EPB41L2: variants seen among roughly 807,000 people sequenced by gnomAD.
EPB41L2 encodes band 4.1-like protein 2.
In EPB41L2, 43 loss-of-function variants were observed where a neutral mutation model predicts 113.0. That is an observed-to-expected ratio of 0.38 (90% CI 0.30 to 0.49). The LOEUF (loss-of-function observed/expected upper bound fraction) is 0.49. EPB41L2 is among the 20% of genes least tolerant of loss of function. The pLI, the probability that EPB41L2 is intolerant of heterozygous loss-of-function variation, is 0.95. For synonymous variants in EPB41L2, 442 were observed against 436.7 expected, an observed-to-expected ratio of 1.01 and a Z score of -0.15; for missense variants, 1,147 against 1,223.4, an observed-to-expected ratio of 0.94 and a Z score of 0.93.
intron 1 of EPB41L2, among the ~76,000 whole-genome samples, chr6:131,029,107 C>G (rs1791496878): frequency 6.6e-6 from 1 of 152,114 alleles, no homozygotes; most frequent in Non-Finnish European, 1.5e-5. Context: ...TATAACTCAT[C>G]AGTGGTAACA....
intron 10 of EPB41L2, among the ~76,000 whole-genome samples, chr6:130,891,074 G>A (rs547165900): frequency 1.7e-4 from 26 of 152,098 alleles, no homozygotes; most frequent in Non-Finnish European, 2.8e-4. Context: ...TTAGCAAATG[G>A]ACCAATCTTT....
chr6:130,883,907 T>G (rs1487554963), intron 12 of EPB41L2, among the ~76,000 whole-genome samples: 1 of 152,234 alleles, frequency 6.6e-6, no homozygotes, highest in Non-Finnish European at 1.5e-5. Flanking sequence ...GCCCATGTGG[T>G]GGTCCCTGAG....
intron 3 of EPB41L2, among the ~76,000 whole-genome samples, chr6:130,938,779 T>C (rs1809783533): frequency 6.6e-6 from 1 of 152,272 alleles, no homozygotes; most frequent in Admixed American, 6.5e-5. Context: ...TCTTTTAAAA[T>C]ACAGAGATCT....
rs549203437 is a variant in EPB41L2 at position 131,053,824 on chromosome 6, A to G, written c.-15+9331T>C. ...ATAACCCTCATTCTTTCGACCTCCA[A>G]CGTTTCTCCCTTTTTGTTTTTTAAT... is the stretch of plus-strand genomic sequence containing the variant. On this transcript the variant is annotated intron_variant, in intron 1 of 19. Transcript: ENST00000337057. Among the ~76,000 whole-genome samples, 7 of 152,282 alleles carry G rather than the reference A, an allele frequency of 4.6e-5. 1 individual carries two copies. In the South Asian group the frequency reaches 1.2e-3, roughly 27 times the overall value.
At chr6:131,048,324 T>C (rs755717094) in intron 1 of EPB41L2, among the ~76,000 whole-genome samples, 6 of 152,200 alleles carry the variant, frequency 3.9e-5, no homozygotes, top group Non-Finnish European at 8.8e-5. Context: ...GTTTTTGTTG[T>C]ATTTTTTGTT....
At chr6:130,919,568 C>G (rs543503056) in intron 4 of EPB41L2, among the ~76,000 whole-genome samples, 20 of 152,264 alleles carry the variant, frequency 1.3e-4, no homozygotes, top group African/African-American at 3.6e-4. Context: ...GCCCCAGCCA[C>G]GTTCTCCCAA....
chr6:130,926,641 G>A lies in EPB41L2; in HGVS notation c.774C>T (p.Tyr258=). The A allele has an allele frequency of 6.2e-7, 1 of 1,609,800 alleles. No homozygotes were observed. The highest frequency in any genetic ancestry group is 8.5e-7 in the Non-Finnish European group (1 of 1,178,912). Residue 258 remains tyrosine (Y), a synonymous_variant, in exon 4 of 20, where the codon TAC becomes TAT. Coordinates refer to ENST00000337057, the MANE Select transcript of EPB41L2 (RefSeq NM_001431.4). ...GGCTTTCCTGAAACAAAAGTCCAAA[G>A]TAGTCTTTCTCCAAGAGATTGAGGT... ...CEHLNLLEKD[Y]FGLLFQESPE...
At chr6:130,890,260 G>A in intron 11 of EPB41L2, 34 bp downstream of exon 11, 2 of 1,582,728 alleles carry the variant, frequency 1.3e-6, no homozygotes, top group Non-Finnish European at 8.6e-7. Flanking sequence ...AGAGAAAGAT[G>A]AATGAAAATC....
chr6:131,023,731 ATATATATCTATATATC>A lies in EPB41L2; in HGVS notation c.-15+39408_-15+39423del, dbSNP rs1193621362. On this transcript the variant is annotated intron_variant, in intron 1 of 19. Coordinates refer to ENST00000337057, the MANE Select transcript of EPB41L2 (RefSeq NM_001431.4). Reference sequence around the variant, plus strand: ...AATGTGTGCGTGTGTGTGTGTGTGTATATATATCTATATATCTATATATAGATATATAGATATATAG... The same window carrying A: ...AATGTGTGCGTGTGTGTGTGTGTGTATATATATAGATATATAGATATATAG... 6.8e-5 allele frequency among the ~76,000 whole-genome samples: 6 copies of A among 88,488 alleles called. No homozygotes were observed. The Admixed American group carries it at 6.8e-4, about 10-fold the overall frequency. 58.1% of individuals were successfully genotyped at this position (88,488 alleles called of 152,430 possible). A position where few individuals can be genotyped will look rare whatever the true frequency, so the allele number is the denominator to read the frequency against.
intron 1 of EPB41L2, among the ~76,000 whole-genome samples, chr6:131,057,275 C>A (rs1029178091): frequency 1.3e-5 from 2 of 152,168 alleles, no homozygotes; most frequent in East Asian, 3.9e-4. Context: ...AGTGCATGCA[C>A]ATGGGAACAC....
chr6:130,870,655 T>A (rs1445048111), intron 14 of EPB41L2, among the ~76,000 whole-genome samples: 1 of 152,146 alleles, frequency 6.6e-6, no homozygotes, highest in African/African-American at 2.4e-5. Flanking sequence ...TTACAAAAAT[T>A]GAATTATACC....
intron 19 of EPB41L2, among the ~76,000 whole-genome samples, chr6:130,846,834 C>T (rs1554228238): frequency 6.6e-6 from 1 of 151,932 alleles, no homozygotes; most frequent in Admixed American, 6.5e-5. Flanking sequence ...GACTGAAAAG[C>T]AAAAAAATAT....
intron 1 of EPB41L2, among the ~76,000 whole-genome samples, chr6:131,002,896 ATCC>A (rs1163067005): frequency 2.0e-5 from 3 of 152,210 alleles, no homozygotes; most frequent in Admixed American, 2.0e-4. Flanking sequence ...CTTTTAAGTC[ATCC>A]TACAGGAAAA....
intron 1 of EPB41L2, among the ~76,000 whole-genome samples, chr6:130,958,595 C>A (rs994617197): frequency 6.6e-6 from 1 of 151,236 alleles, no homozygotes; most frequent in Non-Finnish European, 1.5e-5. Flanking sequence ...ATTATTCAGA[C>A]AAAATAGCCA....
chr6:130,952,226 T>C (rs920479341), intron 3 of EPB41L2, among the ~76,000 whole-genome samples: 15 of 152,164 alleles, frequency 9.9e-5, no homozygotes, highest in Non-Finnish European at 2.2e-4. Context: ...ATCAATTTCA[T>C]TTATTATTTT....
intron 5 of EPB41L2, among the ~76,000 whole-genome samples, chr6:130,907,744 A>G (rs1798153581): frequency 6.6e-6 from 1 of 152,200 alleles, no homozygotes. Context: ...AGAAATAAAG[A>G]AAACAAATGT....
At chr6:131,041,873 C>G (rs1393707056) in intron 1 of EPB41L2, among the ~76,000 whole-genome samples, 1 of 152,138 alleles carries the variant, frequency 6.6e-6, no homozygotes, top group Non-Finnish European at 1.5e-5. Flanking sequence ...TATGAAACAA[C>G]TGGATAAATA....
chr6:130,846,837 A>G (rs1777190373), intron 19 of EPB41L2, among the ~76,000 whole-genome samples: 1 of 152,202 alleles, frequency 6.6e-6, no homozygotes, highest in Admixed American at 6.5e-5. Flanking sequence ...TGAAAAGCAA[A>G]AAAATATCGG....
At chr6:130,848,252 A>G (rs1777706764) in intron 19 of EPB41L2, among the ~76,000 whole-genome samples, 2 of 147,050 alleles carry the variant, frequency 1.4e-5, no homozygotes, top group South Asian at 4.3e-4. Flanking sequence ...CAGAATCTAA[A>G]CTGCATCGTG....
Sources: allele counts gnomAD v4.1 joint callset (sites outside exome capture counted in the v4.1 genomes callset), GRCh38; gene constraint gnomAD v4.1.1; transcripts MANE v1.5; gene names NCBI Gene and HGNC (gene_info 2026-07-23, HGNC 2026-07-21).